The following QDPR variants were observed in gnomAD, a reference collection of about 807,000 sequenced individuals.
The protein encoded by QDPR is quinoid dihydropteridine reductase.
A neutral mutation model predicts 31.7 loss-of-function variants in QDPR; 23 were observed. The observed-to-expected ratio is 0.73, with a 90% CI of 0.52 to 1.03. QDPR has a LOEUF of 1.03. Among genes scored for constraint, QDPR ranks in the 50% least tolerant of loss-of-function variants. QDPR has a pLI of 0.00. For synonymous variants in QDPR, 124 were observed against 124.7 expected (o/e 0.99, Z 0.03); for missense variants, 324 against 323.8 (o/e 1.00, Z 0.00).
intron 6 of QDPR, among the ~76,000 whole-genome samples, chr4:17,488,487 C>T (rs958810164): frequency 2.0e-5 from 3 of 152,016 alleles, no homozygotes; most frequent in Non-Finnish European, 4.4e-5. Context: ...ATGTTAAATA[C>T]AGTAACAGGG....
intron 3 of QDPR, among the ~76,000 whole-genome samples, chr4:17,502,848 A>G (rs1226242800): frequency 2.6e-5 from 4 of 152,246 alleles, no homozygotes; most frequent in African/African-American, 9.6e-5. Flanking sequence ...CACACACAAT[A>G]CCACAATACC....
chr4:17,503,646 C>G (rs1240416123), intron 3 of QDPR, among the ~76,000 whole-genome samples: 1 of 152,104 alleles, frequency 6.6e-6, no homozygotes, highest in Admixed American at 6.5e-5. Context: ...TAGAAATGTT[C>G]ATAATGAAAA....
intron 3 of QDPR, among the ~76,000 whole-genome samples, chr4:17,503,040 G>A (rs1718626760): frequency 6.6e-6 from 1 of 152,164 alleles, no homozygotes; most frequent in South Asian, 2.1e-4. Context: ...GGAAGAATTC[G>A]CACCACAAGA....
chr4:17,511,283 A>G (rs1235978165), intron 1 of QDPR, among the ~76,000 whole-genome samples: 2 of 152,170 alleles, frequency 1.3e-5, no homozygotes, highest in African/African-American at 2.4e-5. Flanking sequence ...CCTCCTGGAA[A>G]TTGACACCTG....
At chr4:17,503,279 C>T (rs913255011) in intron 3 of QDPR, among the ~76,000 whole-genome samples, 1 of 152,038 alleles carries the variant, frequency 6.6e-6, no homozygotes, top group Non-Finnish European at 1.5e-5. Flanking sequence ...CAACATAATG[C>T]AGTACATAAA....
At chr4:17,511,821 G>T (rs1719020430) in intron 1 of QDPR, 129 bp downstream of exon 1, 2 of 886,290 alleles carry the variant, frequency 2.3e-6, no homozygotes, top group Non-Finnish European at 3.4e-6. Context: ...GTGCGCGCAC[G>T]TGCAAGCAAC....
At chr4:17,510,006 AG>A (rs761067017) in intron 1 of QDPR, 38 of 455,446 alleles carry the variant, frequency 8.3e-5, no homozygotes, top group African/African-American at 5.2e-4. Context: ...AGCAATAAAT[AG>A]GGGGAAAAAA....
intron 2 of QDPR, 40 bp from the exon 3 acceptor site, chr4:17,504,515 A>G: frequency 6.7e-7 from 1 of 1,492,880 alleles, no homozygotes; most frequent in Non-Finnish European, 9.4e-7. Flanking sequence ...ACTGTAAGGT[A>G]AGCCAACACA....
At chr4:17,493,845 A>C (rs756359013) in intron 4 of QDPR, among the ~76,000 whole-genome samples, 1 of 152,154 alleles carries the variant, frequency 6.6e-6, no homozygotes, top group Non-Finnish European at 1.5e-5. Context: ...TCATTCTAAG[A>C]AGTAGCTCCA....
chr4:17,504,432 T>A lies in QDPR; in HGVS notation c.242A>T (p.Asp81Val). ...TCCTCCAGCAACGCAAAGAATTGCA[T>A]CCACCTTCTCTTCACCCAAGAGCTT... ...VGKLLGEEKV[D>V]AILCVAGGWA... The change falls in exon 3 of 7, where the codon GAT becomes GTT. Residue 81 changes from aspartate (D) to valine (V), a missense_variant. Asp to Val is a radical substitution (Grantham distance 152). Transcript: ENST00000281243. The A allele has an allele frequency of 1.2e-6, 2 of 1,614,186 alleles. No homozygotes were observed. Among genetic ancestry groups the A allele is most frequent in the African/African-American group, 2.7e-5 (2 of 75,036 alleles).
At chr4:17,508,223 G>A (rs1389167189) in intron 2 of QDPR, among the ~76,000 whole-genome samples, 11 of 152,146 alleles carry the variant, frequency 7.2e-5, no homozygotes, top group African/African-American at 2.2e-4. Context: ...GATAACTTGA[G>A]GTCAGAAGTT....
Position 17,494,434 on chromosome 4 carries a change from T to C in QDPR, c.437-2094A>G, listed in dbSNP as rs565356753. 2.0e-5 allele frequency among the ~76,000 whole-genome samples: 3 copies of C among 152,294 alleles called. No individual in the cohort carries two copies. The East Asian group carries it at 5.8e-4, about 29-fold the overall frequency. ...GCTACAGCTTCATCACCAGAACATG[T>C]GACTATGTGCTGGCGTGATGACTCA... On this transcript the variant is annotated intron_variant, in intron 4 of 6. Coordinates refer to ENST00000281243, the MANE Select transcript of QDPR (RefSeq NM_000320.3).
intron 4 of QDPR, 50 bp downstream of exon 4, chr4:17,501,669 G>C: frequency 6.2e-7 from 1 of 1,608,138 alleles, no homozygotes; most frequent in Non-Finnish European, 8.5e-7. Flanking sequence ...AGCAGCCCCA[G>C]CAAGCAAGGT....
intron 1 of QDPR, among the ~76,000 whole-genome samples, chr4:17,509,719 TAAAAGA>T (rs936849363): frequency 1.4e-4 from 21 of 151,144 alleles, no homozygotes; most frequent in African/African-American, 4.9e-4. Context: ...TCCATTTAAA[TAAAAGA>T]AAAAGAAAAA....
At chr4:17,505,571 G>A (rs1366377572) in intron 2 of QDPR, among the ~76,000 whole-genome samples, 1 of 152,166 alleles carries the variant, frequency 6.6e-6, no homozygotes, top group Non-Finnish European at 1.5e-5. Flanking sequence ...TTTAAATCAG[G>A]CTGGGCACAG....
rs200518175 is a variant in QDPR, at chr4:17,490,670, G to A, written c.621C>T (p.Phe207=). ...ADFSSWTPLE[F]LVETFHDWIT... ...ATGTCTGTAATACTCACTCAACTAG[G>A]AATTCTAAGGGTGTCCAGGAGCTGA... Residue 207 remains phenylalanine (F), a synonymous_variant, in exon 6 of 7, where the codon TTC becomes TTT. Coordinates refer to ENST00000281243, the MANE Select transcript of QDPR (RefSeq NM_000320.3). 2.1e-5 allele frequency: 34 copies of A among 1,612,996 alleles called. No individual in the cohort carries two copies. Among genetic ancestry groups the A allele is most frequent in the Non-Finnish European group, 8.5e-7 (1 of 1,179,016 alleles).
At chr4:17,487,427 A>T (rs1718005448) in intron 6 of QDPR, among the ~76,000 whole-genome samples, 191 bp from the exon 7 acceptor site, 2 of 151,994 alleles carry the variant, frequency 1.3e-5, no homozygotes, top group African/African-American at 4.8e-5. Context: ...AGGCGGGCAG[A>T]TCGCTTGAGG....
At chr4:17,510,824 C>G (rs1047799117) in intron 1 of QDPR, among the ~76,000 whole-genome samples, 1 of 152,210 alleles carries the variant, frequency 6.6e-6, no homozygotes, top group South Asian at 2.1e-4. Flanking sequence ...CACCACCATG[C>G]ATCTCTGAAG....
chr4:17,510,011 G>A (rs10030250), intron 1 of QDPR: 115,715 of 452,596 alleles, frequency 0.26, 15,864 homozygotes, highest in African/African-American at 0.36. Flanking sequence ...TAAATAGGGG[G>A]AAAAAATAAG....
Sources: gnomAD v4.1 joint callset for allele counts (sites outside exome capture counted in the v4.1 genomes callset) on GRCh38, gnomAD v4.1.1 for gene constraint, MANE v1.5 for transcripts, NCBI Gene and HGNC (gene_info 2026-07-23, HGNC 2026-07-21) for gene names.